GABRR3: variants seen among roughly 807,000 people sequenced by gnomAD.
GABRR3 encodes the protein gamma-aminobutyric acid receptor subunit rho-3.
GABRR3 carries 29 observed loss-of-function variants against 43.2 expected under a neutral mutation model. The ratio of observed to expected loss-of-function variants is 0.67; its 90% confidence interval spans 0.50 to 0.92. GABRR3 has a LOEUF of 0.92. Among genes scored for constraint, GABRR3 ranks in the 40% least tolerant of loss-of-function variants. The pLI, the probability that GABRR3 is intolerant of heterozygous loss-of-function variation, is 0.00. For synonymous variants in GABRR3, 206 were observed against 195.9 expected (o/e 1.05, Z -0.43); for missense variants, 576 against 572.3 (o/e 1.01, Z -0.07).
intron 2 of GABRR3, among the ~76,000 whole-genome samples, chr3:98,032,549 C>A (rs1559783021): frequency 6.6e-6 from 1 of 152,130 alleles, no homozygotes; most frequent in East Asian, 1.9e-4. Flanking sequence ...AGTAAAATTT[C>A]TTCTCTAGGT....
intron 3 of GABRR3, among the ~76,000 whole-genome samples, chr3:98,018,295 G>C (rs1362635880): frequency 6.6e-6 from 1 of 152,164 alleles, no homozygotes; most frequent in Non-Finnish European, 1.5e-5. Context: ...GCCACACAGG[G>C]ACAACACAGA....
chr3:98,017,107 A>G (rs1318020521), intron 4 of GABRR3, among the ~76,000 whole-genome samples: 3 of 152,208 alleles, frequency 2.0e-5, no homozygotes, highest in African/African-American at 7.2e-5. Flanking sequence ...AAATTAAATA[A>G]TGGCAGTCTT....
At chr3:98,022,474 T>C (rs1324246646) in intron 3 of GABRR3, among the ~76,000 whole-genome samples, 1 of 152,208 alleles carries the variant, frequency 6.6e-6, no homozygotes, top group Non-Finnish European at 1.5e-5. Flanking sequence ...CGTGTGTTTG[T>C]GTTGCGGACA....
chr3:98,027,944 T>G (rs832043), intron 2 of GABRR3, among the ~76,000 whole-genome samples: 69,952 of 151,792 alleles, frequency 0.46, 16,521 homozygotes, highest in East Asian at 0.54. Context: ...ATCATTCTTT[T>G]TTTAAAAAAA....
At chr3:98,016,633 G>A (rs1421778629) in intron 4 of GABRR3, among the ~76,000 whole-genome samples, 1 of 152,090 alleles carries the variant, frequency 6.6e-6, no homozygotes, top group Non-Finnish European at 1.5e-5. Flanking sequence ...CCCTTTATTT[G>A]GGATAGAAAA....
intron 8 of GABRR3, chr3:98,000,154 A>G (rs915074287): frequency 6.6e-6 from 1 of 152,186 alleles, no homozygotes; most frequent in Non-Finnish European, 1.5e-5. Flanking sequence ...TGCATTTTAC[A>G]TAAATCTGCA....
chr3:98,032,237 T>C (rs1643222444), intron 2 of GABRR3, among the ~76,000 whole-genome samples: 1 of 152,210 alleles, frequency 6.6e-6, no homozygotes, highest in African/African-American at 2.4e-5. Context: ...TTTAAGTATT[T>C]GCTACCTTTA....
intron 9 of GABRR3, among the ~76,000 whole-genome samples, chr3:97,990,304 C>G (rs1180121318): frequency 6.6e-6 from 1 of 151,478 alleles, no homozygotes; most frequent in Non-Finnish European, 1.5e-5. Context: ...ACCTGGAACA[C>G]GAAGCTGGGA....
chr3:98,016,510 A>T (rs1000394992), intron 4 of GABRR3, among the ~76,000 whole-genome samples: 12 of 152,160 alleles, frequency 7.9e-5, no homozygotes, highest in African/African-American at 2.9e-4. Context: ...ACCATGGGCC[A>T]AGCAAACCTC....
chr3:98,000,034 G>T (rs1706616793), intron 8 of GABRR3: 1 of 152,078 alleles, frequency 6.6e-6, no homozygotes, highest in African/African-American at 2.4e-5. Flanking sequence ...TGAAAAAAAA[G>T]TGAGGGTGGT....
intron 3 of GABRR3, among the ~76,000 whole-genome samples, chr3:98,025,108 G>A (rs142092913): frequency 8.5e-5 from 13 of 152,256 alleles, no homozygotes; most frequent in Non-Finnish European, 1.5e-4. Context: ...TCTAACACTT[G>A]ATCAATCTTA....
At chr3:98,032,215 G>A (rs1707095269) in intron 2 of GABRR3, among the ~76,000 whole-genome samples, 1 of 152,118 alleles carries the variant, frequency 6.6e-6, no homozygotes, top group Non-Finnish European at 1.5e-5. Flanking sequence ...AAATCATTGG[G>A]AAGTGGTGAG....
Position 98,007,772 on chromosome 3 carries a change from C to T in GABRR3, c.746G>A (p.Ser249Asn), listed in dbSNP as rs767183418. The stretch of plus-strand genomic sequence containing the variant: ...CATGTAAAATGCTGTACCTGTGCTG[C>T]TATAGAAAGCTAATCCACTAGATGC... The change falls in exon 7 of 10, where the codon AGC becomes AAC. Residue 249 changes from serine (S) to asparagine (N), a missense_variant. Physicochemically the swap from Ser to Asn is conservative, Grantham distance 46 (BLOSUM62 1). Coordinates refer to ENST00000621172, the Ensembl canonical transcript of GABRR3. 10 of 1,613,432 alleles carry T rather than the reference C, an allele frequency of 6.2e-6. No homozygotes were observed. In the Admixed American group the frequency reaches 1.3e-4, roughly 22 times the overall value.
intron 3 of GABRR3, among the ~76,000 whole-genome samples, chr3:98,019,112 A>C: frequency 6.7e-6 from 1 of 149,748 alleles, no homozygotes; most frequent in Non-Finnish European, 1.5e-5. Context: ...TCTCTCTCAA[A>C]AAAAAAAAGA....
chr3:98,004,425 A>G (rs1286284810), intron 7 of GABRR3, among the ~76,000 whole-genome samples: 1 of 152,174 alleles, frequency 6.6e-6, no homozygotes, highest in Non-Finnish European at 1.5e-5. Context: ...TAAATGATAG[A>G]GACAGGGTTT....
intron 8 of GABRR3, among the ~76,000 whole-genome samples, chr3:97,994,736 A>T (rs1706513974): frequency 6.6e-6 from 1 of 152,366 alleles, no homozygotes; most frequent in South Asian, 2.1e-4. Context: ...TTAGCCACAC[A>T]TAACAGAAAA....
intron 3 of GABRR3, among the ~76,000 whole-genome samples, chr3:98,025,166 C>T (rs147379307): frequency 1.1e-4 from 16 of 152,300 alleles, no homozygotes; most frequent in Admixed American, 3.3e-4. Context: ...CAGCAGAGTA[C>T]GTTCAGAGGA....
intron 2 of GABRR3, among the ~76,000 whole-genome samples, chr3:98,028,497 A>C (rs1707048486): frequency 6.6e-6 from 1 of 152,220 alleles, no homozygotes; most frequent in South Asian, 2.1e-4. Flanking sequence ...AATTGCCATT[A>C]AGAAAAGTAC....
chr3:98,002,756 A>G (rs900831975), intron 7 of GABRR3, among the ~76,000 whole-genome samples: 5 of 152,192 alleles, frequency 3.3e-5, no homozygotes, highest in Admixed American at 1.3e-4. Flanking sequence ...TTTATTTTCA[A>G]ATAACATTAT....
Sources: gnomAD v4.1 joint callset for allele counts (sites outside exome capture counted in the v4.1 genomes callset) on GRCh38, gnomAD v4.1.1 for gene constraint, MANE v1.5 for transcripts, NCBI Gene and HGNC (gene_info 2026-07-23, HGNC 2026-07-21) for gene names.